Variants in EFHD1 observed in about 807,000 individuals in gnomAD.
EFHD1 encodes the protein EF-hand domain family member D1, also known as EF-hand domain-containing protein D1.
EFHD1 carries 10 observed loss-of-function variants against 17.2 expected under a neutral mutation model. That is an observed-to-expected ratio of 0.58 (90% CI 0.36 to 0.99). The LOEUF is 0.99. EFHD1 is among the 50% of genes least tolerant of loss of function. The probability of loss-of-function intolerance (pLI) is 0.01; values close to 1 mark genes in which losing one functional copy is unlikely to be tolerated. For synonymous variants in EFHD1, 153 were observed against 142.0 expected (o/e 1.08, Z -0.55); for missense variants, 310 against 327.5 (o/e 0.95, Z 0.41).
chr2:232,674,791 T>C (rs1429814832), intron 3 of EFHD1, among the ~76,000 whole-genome samples: 1 of 152,048 alleles, frequency 6.6e-6, no homozygotes, highest in African/African-American at 2.4e-5. Flanking sequence ...TGAATGGGGA[T>C]TCACCTTGTA....
intron 1 of EFHD1, chr2:232,649,819 C>CA (rs1174717288): frequency 6.6e-6 from 1 of 152,228 alleles, no homozygotes; most frequent in Non-Finnish European, 1.5e-5. Flanking sequence ...CTCCCCCTAA[C>CA]AGAGTCTGGA....
intron 1 of EFHD1, among the ~76,000 whole-genome samples, 196 bp downstream of exon 1, chr2:232,634,202 C>T (rs1012649513): frequency 6.6e-6 from 1 of 152,042 alleles, no homozygotes; most frequent in African/African-American, 2.4e-5. Context: ...GGGGGGACAC[C>T]AGGAGCAGGA....
At chr2:232,626,056 C>T (rs1694099296) in intron 1 of EFHD1, among the ~76,000 whole-genome samples, 1 of 151,900 alleles carries the variant, frequency 6.6e-6, no homozygotes. Context: ...AGGTTGGTGG[C>T]ATGTACCTGT....
chr2:232,668,732 C>T (rs531028985), intron 2 of EFHD1, among the ~76,000 whole-genome samples: 1 of 152,324 alleles, frequency 6.6e-6, no homozygotes, highest in East Asian at 1.9e-4. Flanking sequence ...CCCTCAGATT[C>T]AAGCGATTCT....
At chr2:232,608,653 G>A (rs957046837) in intron 1 of EFHD1, among the ~76,000 whole-genome samples, 3 of 152,134 alleles carry the variant, frequency 2.0e-5, no homozygotes, top group East Asian at 3.9e-4. Flanking sequence ...GAAAACAGCC[G>A]GGCCCAGTGG....
At chr2:232,676,553 C>T (rs1695176053) in intron 3 of EFHD1, among the ~76,000 whole-genome samples, 1 of 152,172 alleles carries the variant, frequency 6.6e-6, no homozygotes. Flanking sequence ...CAGCTGGGCT[C>T]TCCTGGAGCC....
chr2:232,615,236 A>T (rs1442385279), intron 1 of EFHD1, among the ~76,000 whole-genome samples: 6 of 151,762 alleles, frequency 4.0e-5, no homozygotes, highest in Non-Finnish European at 5.9e-5. Flanking sequence ...CTTGTTGGGG[A>T]ATGAAAAGTT....
chr2:232,609,862 G>A (rs1288458767), intron 1 of EFHD1, among the ~76,000 whole-genome samples: 1 of 152,238 alleles, frequency 6.6e-6, no homozygotes, highest in African/African-American at 2.4e-5. Flanking sequence ...CAGGGGAGTG[G>A]TGGCTGAAGC....
intron 3 of EFHD1, among the ~76,000 whole-genome samples, chr2:232,673,264 C>T (rs1447772666): frequency 1.3e-5 from 2 of 152,152 alleles, no homozygotes; most frequent in African/African-American, 2.4e-5. Flanking sequence ...GGGTCTTCTC[C>T]ATCCATTGAG....
chr2:232,663,716 G>C (rs1466041704), intron 2 of EFHD1, among the ~76,000 whole-genome samples: 1 of 152,050 alleles, frequency 6.6e-6, no homozygotes, highest in Non-Finnish European at 1.5e-5. Flanking sequence ...CCAAGTCAGG[G>C]TAATCTGGGT....
intron 1 of EFHD1, among the ~76,000 whole-genome samples, chr2:232,641,378 G>T (rs995648725): frequency 1.3e-5 from 2 of 152,180 alleles, no homozygotes; most frequent in African/African-American, 4.8e-5. Context: ...TTGCAAGGTG[G>T]TGAGCTGCTT....
upstream of EFHD1, among the ~76,000 whole-genome samples, chr2:232,630,927 T>C (rs1694189826): frequency 6.6e-6 from 1 of 152,100 alleles, no homozygotes; most frequent in African/African-American, 2.4e-5. Context: ...AAAAAATGGT[T>C]TAAAAATTCT....
At chr2:232,665,331 A>G (rs1694949557) in intron 2 of EFHD1, among the ~76,000 whole-genome samples, 1 of 152,078 alleles carries the variant, frequency 6.6e-6, no homozygotes, top group Admixed American at 6.6e-5. Flanking sequence ...CAAGGATGCC[A>G]CCCCACAGGG....
chr2:232,668,992 G>A (rs1331807388), intron 2 of EFHD1, among the ~76,000 whole-genome samples: 1 of 152,166 alleles, frequency 6.6e-6, no homozygotes, highest in Non-Finnish European at 1.5e-5. Context: ...GGCCTGGTGG[G>A]GCTGCCTGTT....
intron 1 of EFHD1, among the ~76,000 whole-genome samples, chr2:232,621,699 G>T (rs1694021851): frequency 6.6e-6 from 1 of 152,100 alleles, no homozygotes; most frequent in Non-Finnish European, 1.5e-5. Context: ...TGATCCACCC[G>T]CCTTGGCCTC....
intron 2 of EFHD1, among the ~76,000 whole-genome samples, chr2:232,671,910 A>G (rs927453959): frequency 6.6e-5 from 10 of 151,792 alleles, no homozygotes; most frequent in African/African-American, 2.4e-4. Flanking sequence ...TATAAAAATT[A>G]GCCGCGCATG....
chr2:232,615,174 CTG>C (rs548345468), intron 1 of EFHD1, among the ~76,000 whole-genome samples: 174 of 152,164 alleles, frequency 1.1e-3, no homozygotes, highest in African/African-American at 3.7e-3. Context: ...TGTTAACTGA[CTG>C]TTTGCGCTAT....
At chr2:232,621,722 G>C (rs1694022169) in intron 1 of EFHD1, among the ~76,000 whole-genome samples, 1 of 152,192 alleles carries the variant, frequency 6.6e-6, no homozygotes, top group South Asian at 2.1e-4. Context: ...AAAGTGCTGG[G>C]ATTACAGGCG....
Position 232,662,880 on chromosome 2 carries a change from C to G in EFHD1, c.381C>G (p.Thr127=). 1 of 1,595,142 alleles carries G rather than the reference C, an allele frequency of 6.3e-7. No homozygotes were observed. Among genetic ancestry groups the G allele is most frequent in the South Asian group, 1.1e-5 (1 of 88,048 alleles). ...LMMEKLGAPQ[T]HLGLKSMIKE... Reference sequence around the variant, plus strand: ...TGGAGAAGCTGGGGGCCCCCCAGACCCACCTGGGCCTGAAGAGCATGATCA... The same window carrying G: ...TGGAGAAGCTGGGGGCCCCCCAGACGCACCTGGGCCTGAAGAGCATGATCA... Residue 127 remains threonine (T), a synonymous_variant, in exon 2 of 4, where the codon ACC becomes ACG. Coordinates refer to ENST00000264059, the MANE Select transcript of EFHD1 (RefSeq NM_025202.4).
Sources: allele counts gnomAD v4.1 joint callset (sites outside exome capture counted in the v4.1 genomes callset), GRCh38; gene constraint gnomAD v4.1.1; transcripts MANE v1.5; gene names NCBI Gene and HGNC (gene_info 2026-07-23, HGNC 2026-07-21).